The following TDP2 variants were observed in gnomAD, a reference collection of about 807,000 sequenced individuals.
TDP2 encodes tyrosyl-DNA phosphodiesterase 2, also known as 5'-Tyr-DNA phosphodiesterase.
A neutral mutation model predicts 42.8 loss-of-function variants in TDP2; 38 were observed. The ratio of observed to expected loss-of-function variants is 0.89; its 90% CI spans 0.68 to 1.16. The LOEUF is 1.16. Among genes scored for constraint, TDP2 ranks in the 50% most tolerant of loss-of-function variants. The pLI is 0.00. For missense variants in TDP2, 439 were observed against 439.3 expected, an observed-to-expected ratio of 1.00 and a Z score of 0.01; for synonymous variants, 173 against 150.6, an observed-to-expected ratio of 1.15 and a Z score of -1.09.
intron 2 of TDP2, among the ~76,000 whole-genome samples, chr6:24,660,324 G>T (rs1778120545): frequency 6.6e-6 from 1 of 152,158 alleles, no homozygotes. Context: ...ATCATAGAGA[G>T]AATTTACACA....
chr6:24,660,294 G>C (rs974611955), intron 2 of TDP2, among the ~76,000 whole-genome samples: 3 of 152,138 alleles, frequency 2.0e-5, no homozygotes, highest in African/African-American at 7.2e-5. Flanking sequence ...GTCATTAGGT[G>C]ATTTCATCAT....
chr6:24,665,205 C>T (rs1455309114), intron 2 of TDP2, among the ~76,000 whole-genome samples: 1 of 152,100 alleles, frequency 6.6e-6, no homozygotes, highest in Admixed American at 6.6e-5. Flanking sequence ...TCTCTGTACA[C>T]AAAAAAAGAT....
chr6:24,666,251 T>C lies in TDP2; in HGVS notation c.251+275A>G, dbSNP rs1428175530. The C allele has an allele frequency of 2.6e-6, 4 of 1,542,902 alleles. No homozygotes were observed. In the African/African-American group the frequency reaches 5.5e-5, roughly 21 times the overall value. ...TTGTTTCAAACCTCTCGCTTACTTA[T>C]TTCCTTTCATTTGAGTTAAACATTA... On this transcript the variant is annotated intron_variant, in intron 2 of 6. Transcript: ENST00000378198.
chr6:24,661,472 T>C (rs1317100665), intron 2 of TDP2, among the ~76,000 whole-genome samples: 1 of 152,226 alleles, frequency 6.6e-6, no homozygotes, highest in South Asian at 2.1e-4. Context: ...ACAGATACCA[T>C]TGGCTCATCT....
intron 2 of TDP2, among the ~76,000 whole-genome samples, chr6:24,664,713 T>C (rs1402389347): frequency 6.6e-6 from 1 of 152,184 alleles, no homozygotes; most frequent in Non-Finnish European, 1.5e-5. Flanking sequence ...AAAAATCTAA[T>C]CAGGTCACAG....
In TDP2 at chr6:24,666,292, C is replaced by T. The variant is rs532498205; in HGVS notation, c.251+234G>A. The T allele has an allele frequency of 1.0e-4, 160 of 1,531,978 alleles. 1 individual carries two copies. Among genetic ancestry groups the T allele is most frequent in the Middle Eastern group, 7.2e-4 (4 of 5,558 alleles). 94.9% of individuals were successfully genotyped at this position (1,531,978 alleles called of 1,614,324 possible). ...TTAAACATTACATTTCCATCTTTTCCTCCCTGGACCCCAAATCACGTTCGA... is the reference window on the plus strand; with the variant it reads ...TTAAACATTACATTTCCATCTTTTCTTCCCTGGACCCCAAATCACGTTCGA... On this transcript the variant is annotated intron_variant, in intron 2 of 6. Transcript: ENST00000378198.
chr6:24,666,494 GC>G, intron 2 of TDP2, 31 bp downstream of exon 2: 2 of 1,606,168 alleles, frequency 1.2e-6, no homozygotes, highest in East Asian at 4.5e-5. Flanking sequence ...CTGCCTCCGT[GC>G]GGACTGGCTC....
chr6:24,664,074 T>G (rs1358330023), intron 2 of TDP2, among the ~76,000 whole-genome samples: 2 of 152,142 alleles, frequency 1.3e-5, no homozygotes, highest in Non-Finnish European at 2.9e-5. Flanking sequence ...GAGGAGGAAG[T>G]GCTTTTGTCA....
chr6:24,657,770 G>T, intron 4 of TDP2, 42 bp downstream of exon 4: 1 of 1,206,598 alleles, frequency 8.3e-7, no homozygotes, highest in Non-Finnish European at 1.2e-6. Flanking sequence ...TCACTGATCT[G>T]TTTTTCAAAG....
At chr6:24,665,684 T>C (rs780536883) in intron 2 of TDP2, among the ~76,000 whole-genome samples, 1 of 152,140 alleles carries the variant, frequency 6.6e-6, no homozygotes, top group Non-Finnish European at 1.5e-5. Flanking sequence ...TGCAGTCTAG[T>C]AGGAGACATA....
At chr6:24,664,333 A>T (rs1356836625) in intron 2 of TDP2, among the ~76,000 whole-genome samples, 5 of 151,578 alleles carry the variant, frequency 3.3e-5, no homozygotes, top group East Asian at 3.9e-4. Context: ...CAGCTAATAA[A>T]AAAAAAAAAA....
chr6:24,665,342 A>C (rs2127619102), intron 2 of TDP2, among the ~76,000 whole-genome samples: 1 of 152,370 alleles, frequency 6.6e-6, no homozygotes, highest in East Asian at 1.9e-4. Context: ...AGTTTGAGCT[A>C]GGCAAACACC....
chr6:24,666,837 C>T lies in TDP2; in HGVS notation c.26G>A (p.Gly9Asp). 1.2e-6 allele frequency: 2 copies of T among 1,614,090 alleles called. No homozygotes were observed. The highest frequency in any genetic ancestry group is 1.7e-6 in the Non-Finnish European group (2 of 1,180,046). The change falls in exon 1 of 7, where the codon GGC becomes GAC. Residue 9 changes from glycine to aspartate, a missense_variant. Coordinates refer to ENST00000378198, the MANE Select transcript of TDP2 (RefSeq NM_016614.3). MELGSCLEGGREAAEEEGE... is the reference protein window; with the variant it reads MELGSCLEDGREAAEEEGE... ...CTCTTCCTCCGCCGCCTCCCTCCCGCCCTCCAGGCAACTCCCCAACTCCAT... is the reference window on the plus strand; with the variant it reads ...CTCTTCCTCCGCCGCCTCCCTCCCGTCCTCCAGGCAACTCCCCAACTCCAT...
At chr6:24,665,033 G>T (rs1778207750) in intron 2 of TDP2, among the ~76,000 whole-genome samples, 1 of 152,154 alleles carries the variant, frequency 6.6e-6, no homozygotes, top group Admixed American at 6.5e-5. Flanking sequence ...ACTCAGGTTG[G>T]TTTGACCAAA....
chr6:24,655,484 A>C (rs1321468027), intron 4 of TDP2, among the ~76,000 whole-genome samples: 2 of 152,226 alleles, frequency 1.3e-5, no homozygotes, highest in African/African-American at 4.8e-5. Context: ...TGAGCTAAGA[A>C]GAGGAGGGCC....
chr6:24,666,139 C>T (rs1237131037), intron 2 of TDP2: 2 of 1,550,086 alleles, frequency 1.3e-6, no homozygotes, highest in Non-Finnish European at 1.7e-6. Context: ...GGCCGGTCAG[C>T]CTAGGGCCTA....
chr6:24,651,594 ATT>A (rs36036133), intron 6 of TDP2, among the ~76,000 whole-genome samples: 86 of 147,358 alleles, frequency 5.8e-4, no homozygotes, highest in African/African-American at 1.7e-3. Flanking sequence ...CATTTTAACA[ATT>A]TTTTTTTTTT....
At chr6:24,657,469 G>C (rs1207609556) in intron 4 of TDP2, among the ~76,000 whole-genome samples, 1 of 150,826 alleles carries the variant, frequency 6.6e-6, no homozygotes, top group Non-Finnish European at 1.5e-5. Context: ...AAATAAATAA[G>C]GAATTATAAA....
At chr6:24,656,879 G>A (rs1250892994) in intron 4 of TDP2, among the ~76,000 whole-genome samples, 1 of 152,022 alleles carries the variant, frequency 6.6e-6, no homozygotes, top group Non-Finnish European at 1.5e-5. Context: ...AATAAAATAA[G>A]GAAGTAAACC....
Sources: gnomAD v4.1 joint callset for allele counts (sites outside exome capture counted in the v4.1 genomes callset) on GRCh38, gnomAD v4.1.1 for gene constraint, MANE v1.5 for transcripts, NCBI Gene and HGNC (gene_info 2026-07-23, HGNC 2026-07-21) for gene names.